SPINK9: variants seen among roughly 807,000 people sequenced by gnomAD.
SPINK9 encodes the protein serine protease inhibitor Kazal-type 9.
In SPINK9, 3 loss-of-function variants were observed where a neutral mutation model predicts 10.8. That is an observed-to-expected ratio of 0.28 (90% CI 0.13 to 0.72). SPINK9 has a LOEUF of 0.72. Among genes scored for constraint, SPINK9 ranks in the 30% least tolerant of loss-of-function variants. SPINK9 has a pLI of 0.74. For missense variants in SPINK9, 101 were observed against 103.2 expected, an observed-to-expected ratio of 0.98 and a Z score of 0.09; for synonymous variants, 30 against 31.2, an observed-to-expected ratio of 0.96 and a Z score of 0.12.
At chr5:148,333,773 C>G (rs1757180329), upstream of SPINK9, among the ~76,000 whole-genome samples, 1 of 152,142 alleles carries the variant, frequency 6.6e-6, no homozygotes, top group Non-Finnish European at 1.5e-5. Flanking sequence ...CTACTACTTA[C>G]TCTTATGACC....
At chr5:148,330,613 C>A (rs915800053), upstream of SPINK9, among the ~76,000 whole-genome samples, 73 of 152,270 alleles carry the variant, frequency 4.8e-4, no homozygotes, top group African/African-American at 1.7e-3. Flanking sequence ...ATGGTCTTTA[C>A]AATTTGGCAT....
chr5:148,324,838 G>A (rs970809948), intron 2 of SPINK9, among the ~76,000 whole-genome samples: 3 of 151,694 alleles, frequency 2.0e-5, no homozygotes, highest in Non-Finnish European at 4.4e-5. Context: ...GTAGTTTCTG[G>A]TCTGTTAACA....
chr5:148,339,087 C>T (rs1757254905), intron 3 of SPINK9, among the ~76,000 whole-genome samples: 1 of 152,110 alleles, frequency 6.6e-6, no homozygotes, highest in Non-Finnish European at 1.5e-5. Context: ...ATCTGAAGAA[C>T]TTTTTCTGTT....
At chr5:148,335,058 G>A (rs929563244), upstream of SPINK9, among the ~76,000 whole-genome samples, 1 of 152,118 alleles carries the variant, frequency 6.6e-6, no homozygotes, top group Non-Finnish European at 1.5e-5. Flanking sequence ...TTCAGCCTTA[G>A]ATACTAATAC....
chr5:148,339,384 C>A (rs1459114644), intron 3 of SPINK9, among the ~76,000 whole-genome samples: 4 of 151,188 alleles, frequency 2.6e-5, no homozygotes, highest in Non-Finnish European at 5.9e-5. Context: ...AGAAAAATAA[C>A]AATTTTTATG....
chr5:148,337,962 T>C (rs928469272), intron 2 of SPINK9, among the ~76,000 whole-genome samples: 4 of 152,136 alleles, frequency 2.6e-5, no homozygotes, highest in African/African-American at 9.7e-5. Flanking sequence ...GATATATTCA[T>C]CTATGTGCTG....
intron 2 of SPINK9, 111 bp from the exon 3 acceptor site, chr5:148,338,367 T>C: frequency 1.1e-6 from 1 of 922,834 alleles, no homozygotes; most frequent in Non-Finnish European, 1.6e-6. Flanking sequence ...GAACCAACAA[T>C]TGTAATAAGA....
chr5:148,338,587 T>C lies in SPINK9; in HGVS notation c.197T>C (p.Phe66Ser). 6.3e-7 allele frequency: 1 copy of C among 1,591,008 alleles called. No homozygotes were observed. ...SDGKTYKNDC[F>S]FCSKVKKTDG... ...GGCAAAACTTATAAAAATGATTGCT[T>C]CTTCTGTTCTAAAGTTAAGTAAGTA... Residue 66 changes from phenylalanine to serine, a missense_variant, in exon 3 of 4, where the codon TTC (phenylalanine) becomes TCC (serine). Phe to Ser is a radical substitution (Grantham distance 155). Transcript: ENST00000377906.
chr5:148,330,099 G>A (rs1012319850), intron 2 of SPINK9, among the ~76,000 whole-genome samples: 4 of 152,222 alleles, frequency 2.6e-5, no homozygotes, highest in Admixed American at 2.6e-4. Context: ...AATGTTGACA[G>A]TGGGGTGTTA....
At chr5:148,336,645 G>C (rs545124436) in intron 2 of SPINK9, among the ~76,000 whole-genome samples, 192 bp downstream of exon 2, 3 of 152,174 alleles carry the variant, frequency 2.0e-5, no homozygotes, top group Non-Finnish European at 4.4e-5. Context: ...TGAGACACTA[G>C]CAACAAATTT....
upstream of SPINK9, among the ~76,000 whole-genome samples, chr5:148,332,013 A>T (rs1757157880): frequency 6.6e-6 from 1 of 152,228 alleles, no homozygotes; most frequent in South Asian, 2.1e-4. Flanking sequence ...TCAGTTTTCT[A>T]TAAAGGCATT....
At chr5:148,329,282 T>C (rs1037185668) in intron 2 of SPINK9, among the ~76,000 whole-genome samples, 14 of 152,218 alleles carry the variant, frequency 9.2e-5, no homozygotes, top group Non-Finnish European at 1.5e-4. Flanking sequence ...GATTTTCTAG[T>C]TTATTTGCTT....
At chr5:148,333,602 G>A (rs549289427), upstream of SPINK9, among the ~76,000 whole-genome samples, 117 of 152,318 alleles carry the variant, frequency 7.7e-4, no homozygotes, top group Non-Finnish European at 1.3e-3. Context: ...GAAAGGGGCA[G>A]TAATGTCTGG....
intron 2 of SPINK9, among the ~76,000 whole-genome samples, chr5:148,329,979 C>T (rs983758175): frequency 6.6e-6 from 1 of 152,168 alleles, no homozygotes; most frequent in Non-Finnish European, 1.5e-5. Context: ...AATGTATATT[C>T]TGTTGATTTC....
At chr5:148,328,657 A>G (rs930746302) in intron 2 of SPINK9, among the ~76,000 whole-genome samples, 20 of 152,176 alleles carry the variant, frequency 1.3e-4, no homozygotes, top group African/African-American at 4.6e-4. Context: ...GATAGCCCTT[A>G]TTATTTTGAA....
intron 1 of SPINK9, among the ~76,000 whole-genome samples, chr5:148,335,874 C>T (rs906810220): frequency 6.6e-6 from 1 of 152,170 alleles, no homozygotes; most frequent in African/African-American, 2.4e-5. Context: ...AAGTCAAATG[C>T]TTATTCATGA....
At chr5:148,322,588 A>T (rs1757011906) in intron 1 of SPINK9, among the ~76,000 whole-genome samples, 1 of 152,170 alleles carries the variant, frequency 6.6e-6, no homozygotes. Flanking sequence ...AGTTTTATCC[A>T]CTATATCTTA....
chr5:148,333,294 A>C (rs1018445623), upstream of SPINK9, among the ~76,000 whole-genome samples: 1 of 152,200 alleles, frequency 6.6e-6, no homozygotes, highest in Non-Finnish European at 1.5e-5. Flanking sequence ...GCAAGCCCCA[A>C]AATTGCGGCT....
chr5:148,329,408 T>C (rs1199037026), intron 2 of SPINK9, among the ~76,000 whole-genome samples: 3 of 152,184 alleles, frequency 2.0e-5, no homozygotes, highest in African/African-American at 7.2e-5. Context: ...TCTTCTTTAT[T>C]AGTCTTGCTA....
Sources: gnomAD v4.1 joint callset for allele counts (sites outside exome capture counted in the v4.1 genomes callset) on GRCh38, gnomAD v4.1.1 for gene constraint, MANE v1.5 for transcripts, NCBI Gene and HGNC (gene_info 2026-07-23, HGNC 2026-07-21) for gene names.